The following PALM2AKAP2 variants were observed in gnomAD, a reference collection of about 807,000 sequenced individuals.
The protein encoded by PALM2AKAP2 is PALM2 and AKAP2 fusion, also known as PALM2-AKAP2 fusion protein.
In PALM2AKAP2, 37 loss-of-function variants were observed where a neutral mutation model predicts 71.5. The ratio of observed to expected loss-of-function variants is 0.52; its 90% CI spans 0.40 to 0.68. The LOEUF is 0.68. PALM2AKAP2 is among the 30% of genes least tolerant of loss of function. The pLI is 0.00. For synonymous variants in PALM2AKAP2, 468 were observed against 478.8 expected, an observed-to-expected ratio of 0.98 and a Z score of 0.29; for missense variants, 1,224 against 1,191.8, an observed-to-expected ratio of 1.03 and a Z score of -0.40.
intron 6 of PALM2AKAP2, among the ~76,000 whole-genome samples, chr9:109,935,294 T>A (rs942225898): frequency 6.6e-6 from 1 of 152,218 alleles, no homozygotes; most frequent in African/African-American, 2.4e-5. Context: ...TTATTTTTTA[T>A]CATCTCATTG....
At chr9:109,756,024 A>G (rs1026000129) in intron 1 of PALM2AKAP2, among the ~76,000 whole-genome samples, 8 of 152,140 alleles carry the variant, frequency 5.3e-5, no homozygotes, top group African/African-American at 1.9e-4. Context: ...CCTTGTTCCC[A>G]TCTCTAGTTA....
rs191131087 is a variant in PALM2AKAP2, at chr9:109,921,869, G to C, written c.258-1866G>C. ...GTGAAATGACAAATATTTCAGAGCT[G>C]TGTTCATTTGGAGGAGGTTAATTTG... On this transcript the variant is annotated intron_variant, in intron 3 of 9. Coordinates refer to the PALM2AKAP2 transcript ENST00000302798. 1.1e-4 allele frequency among the ~76,000 whole-genome samples: 16 copies of C among 152,296 alleles called. No homozygotes were observed. The East Asian group carries it at 2.3e-3, about 22-fold the overall frequency.
At chr9:109,658,204 GGTTCAGGA>G (rs76934543) in intron 1 of PALM2AKAP2, among the ~76,000 whole-genome samples, 1,810 of 152,186 alleles carry the variant, frequency 0.012, 20 homozygotes, top group Non-Finnish European at 0.017. Flanking sequence ...TGTTCAGGGA[GGTTCAGGA>G]GTTCAACTGG....
intron 1 of PALM2AKAP2, among the ~76,000 whole-genome samples, chr9:109,642,964 C>T (rs1016123055): frequency 1.1e-4 from 16 of 150,434 alleles, no homozygotes; most frequent in South Asian, 2.1e-4. Flanking sequence ...TTTGAGAATG[C>T]GCTGAGCTAT....
chr9:109,860,952 T>C (rs941312036), intron 1 of PALM2AKAP2, among the ~76,000 whole-genome samples: 2 of 152,238 alleles, frequency 1.3e-5, no homozygotes, highest in African/African-American at 4.8e-5. Flanking sequence ...CATCTAGCAA[T>C]AGAAAGAATA....
Position 109,722,575 on chromosome 9 carries a change from T to G in PALM2AKAP2, c.6-57913T>G, listed in dbSNP as rs942154554. On this transcript the variant is annotated intron_variant, in intron 1 of 6. Coordinates refer to the PALM2AKAP2 transcript ENST00000374531. ...TTGCCTGAATCCAGGAGCTCAATAC[T>G]AGCCTGGGCAACATGGAAAATCCCC... Among the ~76,000 whole-genome samples, 4 of 152,250 alleles carry G rather than the reference T, an allele frequency of 2.6e-5. No homozygotes were observed. The South Asian group carries it at 8.3e-4, about 32-fold the overall frequency.
chr9:109,873,132 A>T (rs1448904863), intron 2 of PALM2AKAP2, among the ~76,000 whole-genome samples: 1 of 152,190 alleles, frequency 6.6e-6, no homozygotes, highest in African/African-American at 2.4e-5. Context: ...AAACACAGCT[A>T]TTGCCTCATG....
At chr9:109,691,776 G>A (rs1444266406) in intron 1 of PALM2AKAP2, among the ~76,000 whole-genome samples, 1 of 144,956 alleles carries the variant, frequency 6.9e-6, no homozygotes, top group African/African-American at 2.5e-5. Flanking sequence ...ATAGCGGGAA[G>A]TGGCATTTCT....
chr9:110,049,150 A>G (rs1278974972), intron 1 of PALM2AKAP2, among the ~76,000 whole-genome samples: 3 of 151,904 alleles, frequency 2.0e-5, no homozygotes, highest in African/African-American at 7.3e-5. Flanking sequence ...TAAACGCAGG[A>G]CTCCGCTTCT....
At chr9:110,082,286 CCTCAGGTGATCCA>C (rs1834467075) in intron 1 of PALM2AKAP2, among the ~76,000 whole-genome samples, 1 of 152,092 alleles carries the variant, frequency 6.6e-6, no homozygotes, top group Admixed American at 6.6e-5. Flanking sequence ...AAACTCCTGA[CCTCAGGTGATCCA>C]CCCACCTCAG....
At chr9:110,096,057 A>G (rs34821577) in intron 1 of PALM2AKAP2, among the ~76,000 whole-genome samples, 3,168 of 152,272 alleles carry the variant, frequency 0.021, 43 homozygotes, top group Middle Eastern at 0.041. Flanking sequence ...ACCCTTTTCT[A>G]TGTATGGAGG....
At position 110,054,384 on chromosome 9, in the gene PALM2AKAP2, A is replaced by C. The variant is rs756892715; in HGVS notation, c.156+5529A>C. On this transcript the variant is annotated intron_variant, in intron 1 of 3. Transcript: ENST00000374525. ...ATTGCACTCCAGCCTGGGCAACAAG[A>C]GTGAAACTCTGTTTCAAAAAAAAAA... Among the ~76,000 whole-genome samples the C allele has an allele frequency of 3.8e-4, 57 of 151,586 alleles. 1 individual carries two copies. Among genetic ancestry groups the C allele is most frequent in the Admixed American group, 3.1e-3 (48 of 15,244 alleles).
intron 1 of PALM2AKAP2, among the ~76,000 whole-genome samples, chr9:110,051,533 G>A (rs1442716744): frequency 6.6e-6 from 1 of 152,118 alleles, no homozygotes; most frequent in East Asian, 1.9e-4. Flanking sequence ...TTTCTGTCAC[G>A]GTTATTACCA....
At chr9:110,137,210 G>A (rs371455435) in exon 2 of PALM2AKAP2, 2 of 1,614,052 alleles carry the variant, frequency 1.2e-6, no homozygotes, top group Non-Finnish European at 1.7e-6. Context: ...AGATTTCTCT[G>A]CTGCTCGCAA....
chr9:109,794,774 A>G (rs1827205953), intron 1 of PALM2AKAP2, among the ~76,000 whole-genome samples: 1 of 152,230 alleles, frequency 6.6e-6, no homozygotes, highest in Non-Finnish European at 1.5e-5. Flanking sequence ...GAAATTTCCA[A>G]AGGGACTTTG....
At chr9:109,963,573 G>C (rs1831889772) in intron 6 of PALM2AKAP2, among the ~76,000 whole-genome samples, 1 of 152,134 alleles carries the variant, frequency 6.6e-6, no homozygotes, top group Admixed American at 6.5e-5. Flanking sequence ...ACTCATCTTA[G>C]ACTCAAGCAA....
At chr9:109,852,190 A>G (rs986854179) in intron 1 of PALM2AKAP2, among the ~76,000 whole-genome samples, 6 of 152,316 alleles carry the variant, frequency 3.9e-5, no homozygotes, top group South Asian at 4.1e-4. Context: ...TTAGGCATCT[A>G]ATAATCCTGT....
chr9:109,969,278 C>T (rs1180485356), intron 6 of PALM2AKAP2, among the ~76,000 whole-genome samples: 2 of 152,218 alleles, frequency 1.3e-5, no homozygotes, highest in Admixed American at 6.5e-5. Flanking sequence ...CAGCCTGTGG[C>T]TCTCCCCACA....
In PALM2AKAP2 at chr9:109,969,088, G is replaced by GCACACACACACACACA. The variant is rs34057385; in HGVS notation, c.496+37070_496+37085dup. Among the ~76,000 whole-genome samples, 1,414 of 149,686 alleles carry GCACACACACACACACA rather than the reference G, an allele frequency of 9.4e-3. 16 individuals are homozygous for GCACACACACACACACA. The highest frequency in any genetic ancestry group is 0.014 in the Non-Finnish European group (948 of 67,356). ...TTCCTGCACCTCTACAAATGTGCGT[G>GCACACACACACACACA]CACACACACACACACACACACACAC... is the stretch of plus-strand genomic sequence containing the variant. On this transcript the variant is annotated intron_variant, in intron 6 of 9. Transcript: ENST00000302798.
Sources: gnomAD v4.1 joint callset for allele counts (sites outside exome capture counted in the v4.1 genomes callset) on GRCh38, gnomAD v4.1.1 for gene constraint, MANE v1.5 for transcripts, NCBI Gene and HGNC (gene_info 2026-07-23, HGNC 2026-07-21) for gene names.